The following MYOZ2 variants were observed in gnomAD, a reference collection of about 807,000 sequenced individuals.
MYOZ2 encodes myozenin-2.
MYOZ2 carries 19 observed loss-of-function variants against 25.4 expected under a neutral mutation model. The ratio of observed to expected loss-of-function variants is 0.75; its 90% CI spans 0.52 to 1.10. The LOEUF (loss-of-function observed/expected upper bound fraction) is 1.10. Among genes scored for constraint, MYOZ2 ranks in the 50% least tolerant of loss-of-function variants. MYOZ2 has a pLI of 0.00. For missense variants in MYOZ2, 270 were observed against 317.9 expected, an observed-to-expected ratio of 0.85 and a Z score of 1.15; for synonymous variants, 92 against 106.9, an observed-to-expected ratio of 0.86 and a Z score of 0.86.
chr4:119,145,901 A>G (rs1227541820), intron 2 of MYOZ2, among the ~76,000 whole-genome samples: 1 of 152,176 alleles, frequency 6.6e-6, no homozygotes, highest in Non-Finnish European at 1.5e-5. Context: ...GAATAGTTAT[A>G]TAATTAATCA....
At chr4:119,151,917 C>A (rs2149221733) in intron 3 of MYOZ2, among the ~76,000 whole-genome samples, 1 of 152,234 alleles carries the variant, frequency 6.6e-6, no homozygotes, top group African/African-American at 2.4e-5. Flanking sequence ...TTTGAATGGA[C>A]AGCTCCCTTC....
In MYOZ2 at chr4:119,186,367, C is replaced by A. The variant is rs79431637; in HGVS notation, c.*167C>A. The A allele has an allele frequency of 1.7e-6, 1 of 601,450 alleles. No individual in the cohort carries two copies. Among genetic ancestry groups the A allele is most frequent in the Non-Finnish European group, 2.9e-6 (1 of 347,628 alleles). 37.3% of individuals were successfully genotyped at this position (601,450 alleles called of 1,614,324 possible). A position where few individuals can be genotyped will look rare whatever the true frequency, so the allele number is the denominator to read the frequency against. ...CAATCTCAGATCAAATACTAATAAACAATTAGAAATCTTACTTTAAAAAAC... is the reference window on the plus strand; with the variant it reads ...CAATCTCAGATCAAATACTAATAAAAAATTAGAAATCTTACTTTAAAAAAC... On this transcript the variant is annotated 3_prime_UTR_variant, in exon 6 of 6. Coordinates refer to ENST00000307128, the MANE Select transcript of MYOZ2 (RefSeq NM_016599.5).
chr4:119,170,652 G>A (rs1408179505), intron 5 of MYOZ2, among the ~76,000 whole-genome samples: 1 of 152,112 alleles, frequency 6.6e-6, no homozygotes, highest in Non-Finnish European at 1.5e-5. Flanking sequence ...GAGAAAATAG[G>A]ATTTAAGATG....
intron 5 of MYOZ2, among the ~76,000 whole-genome samples, chr4:119,176,324 G>A (rs931114329): frequency 6.6e-6 from 1 of 151,912 alleles, no homozygotes; most frequent in Non-Finnish European, 1.5e-5. Context: ...CAGTTCAAAC[G>A]ATTCTCCTGC....
intron 5 of MYOZ2, among the ~76,000 whole-genome samples, chr4:119,178,079 G>A (rs1742115816): frequency 6.6e-6 from 1 of 152,118 alleles, no homozygotes; most frequent in Non-Finnish European, 1.5e-5. Flanking sequence ...ACATCCAATG[G>A]TGAATTCTCA....
At chr4:119,161,435 A>G (rs1403591469) in intron 4 of MYOZ2, among the ~76,000 whole-genome samples, 1 of 152,112 alleles carries the variant, frequency 6.6e-6, no homozygotes, top group African/African-American at 2.4e-5. Context: ...AACTTTTTTC[A>G]TACATGAATA....
chr4:119,154,447 C>A (rs1459915674), intron 3 of MYOZ2, among the ~76,000 whole-genome samples: 1 of 152,070 alleles, frequency 6.6e-6, no homozygotes, highest in African/African-American at 2.4e-5. Flanking sequence ...TAAGGCTCTG[C>A]TTATTTTCTT....
At chr4:119,143,318 C>T (rs1488503112) in intron 2 of MYOZ2, among the ~76,000 whole-genome samples, 1 of 151,992 alleles carries the variant, frequency 6.6e-6, no homozygotes, top group Non-Finnish European at 1.5e-5. Flanking sequence ...GCTTCAGCCT[C>T]CCGAGTAGCT....
At chr4:119,145,737 A>G (rs932934514) in intron 2 of MYOZ2, among the ~76,000 whole-genome samples, 6 of 152,124 alleles carry the variant, frequency 3.9e-5, no homozygotes, top group Admixed American at 2.0e-4. Flanking sequence ...AATGAAATGA[A>G]CTAGGAAGAA....
chr4:119,185,114 C>T (rs1193848162), intron 5 of MYOZ2, among the ~76,000 whole-genome samples: 2 of 150,652 alleles, frequency 1.3e-5, no homozygotes, highest in African/African-American at 4.9e-5. Flanking sequence ...CCCTTCCCCT[C>T]CCCTCCCCTT....
At position 119,142,300 on chromosome 4, in the gene MYOZ2, C is replaced by T. The variant is rs148448856; in HGVS notation, c.76+5699C>T. 3.6e-3 allele frequency among the ~76,000 whole-genome samples: 545 copies of T among 152,244 alleles called. 1 individual carries two copies. Among genetic ancestry groups the T allele is most frequent in the African/African-American group, 0.012 (506 of 41,562 alleles). ...CAATGGATATAAATAACCTCAAGAG[C>T]GTAACGTCTCTTCTATCTTTTATAA... On this transcript the variant is annotated intron_variant, in intron 2 of 5. Coordinates refer to ENST00000307128, the MANE Select transcript of MYOZ2 (RefSeq NM_016599.5).
At chr4:119,169,171 G>C (rs1358000052) in intron 5 of MYOZ2, among the ~76,000 whole-genome samples, 1 of 152,172 alleles carries the variant, frequency 6.6e-6, no homozygotes, top group Non-Finnish European at 1.5e-5. Flanking sequence ...TGAAACTAAA[G>C]TATGTACTTT....
intron 3 of MYOZ2, among the ~76,000 whole-genome samples, chr4:119,154,273 A>T (rs1741521046): frequency 6.6e-6 from 1 of 152,178 alleles, no homozygotes; most frequent in Admixed American, 6.5e-5. Context: ...AATTTACATA[A>T]TCTATAGGAT....
intron 2 of MYOZ2, among the ~76,000 whole-genome samples, chr4:119,144,361 T>C (rs535184903): frequency 6.6e-6 from 1 of 152,340 alleles, no homozygotes; most frequent in East Asian, 1.9e-4. Flanking sequence ...GTTTACCCAT[T>C]GAAGTACATC....
chr4:119,153,495 G>T (rs895719483), intron 3 of MYOZ2, among the ~76,000 whole-genome samples: 2 of 152,024 alleles, frequency 1.3e-5, no homozygotes, highest in African/African-American at 4.8e-5. Flanking sequence ...TCTAGTTCTT[G>T]AATGATCCTT....
In MYOZ2 at chr4:119,165,384, A is replaced by C. The variant is rs904361768; in HGVS notation, c.560+990A>C. The stretch of plus-strand genomic sequence containing the variant: ...AAATTAGCCAAGAGTGGTGGCATGT[A>C]CCTGTAGTCCCAGCTACTTGGCAGG... On this transcript the variant is annotated intron_variant, in intron 5 of 5. Coordinates refer to ENST00000307128, the MANE Select transcript of MYOZ2 (RefSeq NM_016599.5). 5.3e-5 allele frequency among the ~76,000 whole-genome samples: 8 copies of C among 151,840 alleles called. No individual in the cohort carries two copies. In the East Asian group the frequency reaches 1.6e-3, roughly 30 times the overall value.
chr4:119,175,329 G>T (rs1173357235), intron 5 of MYOZ2, among the ~76,000 whole-genome samples: 1 of 152,152 alleles, frequency 6.6e-6, no homozygotes, highest in Non-Finnish European at 1.5e-5. Context: ...TGTCTTCTTT[G>T]ATGTAATTCA....
chr4:119,145,534 G>A (rs1741271399), intron 2 of MYOZ2, among the ~76,000 whole-genome samples: 1 of 139,794 alleles, frequency 7.2e-6, no homozygotes, highest in African/African-American at 2.6e-5. Context: ...GTGTGTGTGT[G>A]TGTGTGTGTG....
At chr4:119,164,164 A>G (rs770417977) in intron 4 of MYOZ2, 47 bp from the exon 5 acceptor site, 30 of 1,549,270 alleles carry the variant, frequency 1.9e-5, no homozygotes, top group Admixed American at 1.0e-4. Flanking sequence ...GGAGGTTAGT[A>G]ACTCTCGGGC....
Sources: allele counts gnomAD v4.1 joint callset (sites outside exome capture counted in the v4.1 genomes callset), GRCh38; gene constraint gnomAD v4.1.1; transcripts MANE v1.5; gene names NCBI Gene and HGNC (gene_info 2026-07-23, HGNC 2026-07-21).